Variants in POLN observed in about 807,000 individuals in gnomAD.
POLN encodes DNA polymerase nu, also known as DNA polymerase N.
In POLN, 108 loss-of-function variants were observed where a neutral mutation model predicts 113.5. The observed-to-expected ratio is 0.95, with a 90% CI of 0.81 to 1.12. The LOEUF (loss-of-function observed/expected upper bound fraction) is 1.12, where lower values mean the gene tolerates loss of function less well. POLN is among the 50% of genes most tolerant of loss of function. The pLI is 0.00. For synonymous variants in POLN, 386 were observed against 391.5 expected (o/e 0.99, Z 0.17); for missense variants, 1,097 against 1,077.1 (o/e 1.02, Z -0.26).
At position 2,229,107 on chromosome 4, in the gene POLN, C is replaced by T. The variant is rs769865959; in HGVS notation, c.125G>A (p.Ser42Asn). 4.4e-6 allele frequency: 7 copies of T among 1,600,616 alleles called. No individual in the cohort carries two copies. Among genetic ancestry groups the T allele is most frequent in the South Asian group, 1.1e-5 (1 of 89,206 alleles). The change falls in exon 3 of 26, where the codon AGT becomes AAT. Residue 42 changes from serine to asparagine, a missense_variant. Ser to Asn is a conservative substitution (Grantham distance 46, BLOSUM62 1). Coordinates refer to ENST00000511885, the MANE Select transcript of POLN (RefSeq NM_181808.4). Reference sequence around the variant, plus strand: ...TCATAAAAATTACTTACTCTCTGTACTCTTTCCCCAAGTCTTAGAATCCAC... The same window carrying T: ...TCATAAAAATTACTTACTCTCTGTATTCTTTCCCCAAGTCTTAGAATCCAC... ...DLVDSKTWGK[S>N]TETMEVINKS...
In POLN at chr4:2,097,965, C is replaced by T. The variant is rs192738089; in HGVS notation, c.1983-2032G>A. 3.9e-4 allele frequency among the ~76,000 whole-genome samples: 60 copies of T among 152,390 alleles called. 1 individual carries two copies. Among genetic ancestry groups the T allele is most frequent in the African/African-American group, 1.4e-3 (58 of 41,598 alleles). The stretch of plus-strand genomic sequence containing the variant: ...CTGTGTACCCCACCATTCTTGCTGA[C>T]ATCCCAGACTTCACTGATTTTTTGC... On this transcript the variant is annotated intron_variant, in intron 19 of 25. Coordinates refer to ENST00000511885, the MANE Select transcript of POLN (RefSeq NM_181808.4).
chr4:2,145,502 CAAGT>C (rs1191565324), intron 16 of POLN, among the ~76,000 whole-genome samples: 1 of 152,000 alleles, frequency 6.6e-6, no homozygotes, highest in East Asian at 1.9e-4. Context: ...AAGAAATAAA[CAAGT>C]GAGTCATTGA....
chr4:2,157,499 G>C (rs540327345), intron 15 of POLN, among the ~76,000 whole-genome samples: 1 of 152,210 alleles, frequency 6.6e-6, no homozygotes, highest in Non-Finnish European at 1.5e-5. Flanking sequence ...GGCCGAGGCA[G>C]GCAGATCACG....
At chr4:2,171,518 G>A (rs568237741) in intron 11 of POLN, among the ~76,000 whole-genome samples, 2 of 152,162 alleles carry the variant, frequency 1.3e-5, no homozygotes, top group Non-Finnish European at 1.5e-5. Flanking sequence ...TTATAACTGT[G>A]CCATTGCACT....
intron 3 of POLN, among the ~76,000 whole-genome samples, chr4:2,220,193 G>A (rs534516758): frequency 2.2e-4 from 33 of 152,174 alleles, no homozygotes; most frequent in Middle Eastern, 3.4e-3. Context: ...GTTAAGCTCC[G>A]TCAGCAGAGG....
At chr4:2,234,874 C>T (rs559194504) in intron 2 of POLN, among the ~76,000 whole-genome samples, 34 of 152,144 alleles carry the variant, frequency 2.2e-4, no homozygotes, top group African/African-American at 8.2e-4. Context: ...AAATGATATA[C>T]AACTACATGG....
intron 7 of POLN, among the ~76,000 whole-genome samples, chr4:2,180,581 A>G (rs1733114293): frequency 6.6e-6 from 1 of 152,204 alleles, no homozygotes; most frequent in Admixed American, 6.5e-5. Flanking sequence ...GGAGCTCTGG[A>G]TAAGAGGAGC....
At chr4:2,100,317 G>A (rs756192212) in intron 19 of POLN, among the ~76,000 whole-genome samples, 3 of 151,980 alleles carry the variant, frequency 2.0e-5, no homozygotes, top group East Asian at 3.9e-4. Flanking sequence ...AAAATTCCAC[G>A]GTAAATACAG....
At chr4:2,185,775 C>T (rs1733257586) in intron 7 of POLN, among the ~76,000 whole-genome samples, 1 of 151,944 alleles carries the variant, frequency 6.6e-6, no homozygotes, top group Non-Finnish European at 1.5e-5. Context: ...AAAAGAAATA[C>T]AAGTTACGGG....
At chr4:2,170,274 C>CA (rs1226635993) in intron 13 of POLN, among the ~76,000 whole-genome samples, 5 of 151,832 alleles carry the variant, frequency 3.3e-5, no homozygotes, top group Non-Finnish European at 7.4e-5. Flanking sequence ...TCCTTGTCTT[C>CA]AAAAAAAATT....
At chr4:2,122,678 C>A (rs1024372257) in intron 19 of POLN, among the ~76,000 whole-genome samples, 6 of 152,026 alleles carry the variant, frequency 3.9e-5, no homozygotes, top group African/African-American at 1.5e-4. Context: ...TTTAGCAGGT[C>A]ATGGAAAAGT....
At chr4:2,152,596 C>CAA (rs879705320) in intron 16 of POLN, among the ~76,000 whole-genome samples, 1 of 134,894 alleles carries the variant, frequency 7.4e-6, no homozygotes, top group African/African-American at 2.7e-5. Flanking sequence ...GCACTTTAAG[C>CAA]AAAAAAAAAA....
intron 25 of POLN, 148 bp from the exon 26 acceptor site, chr4:2,072,447 A>ATG: frequency 3.0e-6 from 2 of 660,106 alleles, no homozygotes; most frequent in Non-Finnish European, 5.0e-6. Flanking sequence ...ACATGTGCAT[A>ATG]CACGTGCACA....
intron 16 of POLN, among the ~76,000 whole-genome samples, chr4:2,142,994 A>G (rs1732041195): frequency 6.6e-6 from 1 of 152,160 alleles, no homozygotes; most frequent in Admixed American, 6.5e-5. Context: ...AATCTTAAAT[A>G]AACTCTCCCT....
chr4:2,197,664 T>G (rs1381706227), intron 6 of POLN, among the ~76,000 whole-genome samples: 3 of 152,064 alleles, frequency 2.0e-5, no homozygotes, highest in African/African-American at 7.2e-5. Context: ...AAAGAGAAAA[T>G]TACATAAAAA....
In POLN at chr4:2,075,446, G is replaced by A; in HGVS notation, c.2455+6C>T. On this transcript the variant is annotated splice_donor_region_variant and intron_variant, in intron 24 of 25. Transcript: ENST00000511885. ...GTCCAAGCAACCCTGTGTTGCCCCA[G>A]GCTACCTGCACACTCCGGGATCTGC... 1 of 1,613,304 alleles carries A rather than the reference G, an allele frequency of 6.2e-7. No individual in the cohort carries two copies.
At chr4:2,164,039 A>G (rs1478335828) in intron 13 of POLN, among the ~76,000 whole-genome samples, 1 of 152,178 alleles carries the variant, frequency 6.6e-6, no homozygotes, top group Non-Finnish European at 1.5e-5. Flanking sequence ...ACTACTCCAC[A>G]TGCTGACTTC....
At chr4:2,225,610 GTTTGT>G (rs752883708) in intron 3 of POLN, among the ~76,000 whole-genome samples, 5 of 146,578 alleles carry the variant, frequency 3.4e-5, no homozygotes, top group East Asian at 4.0e-4. Context: ...TTAGTTTTTT[GTTTGT>G]TTTTTCTAAA....
At chr4:2,115,228 A>ATATATATATT (rs72052264) in intron 19 of POLN, among the ~76,000 whole-genome samples, 128 of 129,986 alleles carry the variant, frequency 9.8e-4, no homozygotes, top group African/African-American at 3.6e-3. Flanking sequence ...ATATATATAT[A>ATATATATATT]TTTTTTTTTT....
Sources: gnomAD v4.1 joint callset for allele counts (sites outside exome capture counted in the v4.1 genomes callset) on GRCh38, gnomAD v4.1.1 for gene constraint, MANE v1.5 for transcripts, NCBI Gene and HGNC (gene_info 2026-07-23, HGNC 2026-07-21) for gene names.